Variants in ZDHHC14 observed in about 807,000 individuals in gnomAD.
ZDHHC14 encodes zDHHC palmitoyltransferase 14, also known as palmitoyltransferase ZDHHC14.
Under a neutral mutation model 47.7 loss-of-function variants are expected in ZDHHC14, and 16 were observed. The observed-to-expected ratio is 0.34, with a 90% confidence interval of 0.23 to 0.51. The LOEUF (loss-of-function observed/expected upper bound fraction) is 0.51, where lower values mean the gene tolerates loss of function less well. ZDHHC14 is among the 20% of genes least tolerant of loss of function. ZDHHC14 has a pLI of 0.97. For missense variants in ZDHHC14, 515 were observed against 662.5 expected (o/e 0.78, Z 2.44); for synonymous variants, 293 against 278.9 (o/e 1.05, Z -0.50).
At chr6:157,665,662 CA>C (rs796931694) in intron 8 of ZDHHC14, among the ~76,000 whole-genome samples, 4 of 152,098 alleles carry the variant, frequency 2.6e-5, no homozygotes, top group African/African-American at 9.6e-5. Context: ...TATTGCAGGT[CA>C]AAAAATTAGA....
chr6:157,628,465 G>T lies in ZDHHC14; in HGVS notation c.682G>T (p.Val228Phe). Residue 228 changes from valine (V) to phenylalanine (F), a missense_variant, in exon 4 of 9, where the codon GTT becomes TTT. Around this residue, in one of 4 missense-constraint regions of ZDHHC14, gnomAD observed 229 missense variants for 351.5 expected, o/e 0.65. Transcript: ENST00000359775. ...TCTGACAGTCTTTATATTTGCATTC[G>T]TTATCACCCACGTCATTCTTCGTAA... ...SFLTVFIFAFVITHVILRSQQ... is the reference protein window; with the variant it reads ...SFLTVFIFAFFITHVILRSQQ... 6.2e-7 allele frequency: 1 copy of T among 1,612,396 alleles called. No individual in the cohort carries two copies. Among genetic ancestry groups the T allele is most frequent in the African/African-American group, 1.3e-5 (1 of 74,788 alleles).
At chr6:157,558,293 C>A (rs1356044559) in intron 2 of ZDHHC14, among the ~76,000 whole-genome samples, 2 of 151,566 alleles carry the variant, frequency 1.3e-5, no homozygotes, top group African/African-American at 4.9e-5. Flanking sequence ...AGCCAGGTGA[C>A]ATTCATGTCC....
At chr6:157,620,172 A>G (rs908454050) in intron 3 of ZDHHC14, among the ~76,000 whole-genome samples, 10 of 152,170 alleles carry the variant, frequency 6.6e-5, no homozygotes, top group African/African-American at 9.7e-5. Flanking sequence ...GGAGGCTGGA[A>G]AGTCCAAGAT....
chr6:157,408,411 T>C (rs1363658095), intron 1 of ZDHHC14, among the ~76,000 whole-genome samples: 1 of 152,126 alleles, frequency 6.6e-6, no homozygotes, highest in Non-Finnish European at 1.5e-5. Flanking sequence ...CACCTAGGTA[T>C]TAAGGTCAGC....
intron 1 of ZDHHC14, among the ~76,000 whole-genome samples, chr6:157,488,427 C>T (rs1779833768): frequency 6.6e-6 from 1 of 152,134 alleles, no homozygotes; most frequent in African/African-American, 2.4e-5. Flanking sequence ...CCTCAATTTG[C>T]GTTGCTTCTA....
At chr6:157,576,779 C>T (rs1023357266) in intron 2 of ZDHHC14, among the ~76,000 whole-genome samples, 4 of 152,370 alleles carry the variant, frequency 2.6e-5, no homozygotes, top group Admixed American at 2.6e-4. Context: ...ACCACTCTGG[C>T]AGGCATTCTG....
intron 2 of ZDHHC14, among the ~76,000 whole-genome samples, chr6:157,561,558 G>T (rs181509564): frequency 2.6e-5 from 4 of 152,320 alleles, no homozygotes; most frequent in Admixed American, 2.6e-4. Context: ...GGACAAAAAT[G>T]ACAAAGCAGC....
intron 1 of ZDHHC14, among the ~76,000 whole-genome samples, chr6:157,460,057 C>CA (rs35995673): frequency 0.26 from 30,304 of 117,904 alleles, 3,937 homozygotes; most frequent in East Asian, 0.45. Flanking sequence ...ACTAAAAATA[C>CA]AAAAAAAAAA....
chr6:157,662,827 T>C (rs1046800708), intron 8 of ZDHHC14, among the ~76,000 whole-genome samples: 1 of 152,232 alleles, frequency 6.6e-6, no homozygotes, highest in Non-Finnish European at 1.5e-5. Context: ...ATAAAAAATT[T>C]TAAGACCTGG....
At chr6:157,414,469 C>T (rs1777934073) in intron 1 of ZDHHC14, among the ~76,000 whole-genome samples, 1 of 152,202 alleles carries the variant, frequency 6.6e-6, no homozygotes, top group Admixed American at 6.5e-5. Context: ...GAGCATTCTG[C>T]ATTGGCTCAT....
rs573394209 is a variant in ZDHHC14 at position 157,654,245 on chromosome 6, C to T, written c.1068+618C>T. Among the ~76,000 whole-genome samples the T allele has an allele frequency of 2.2e-4, 34 of 152,222 alleles. No homozygotes were observed. The South Asian group carries it at 6.0e-3, about 27-fold the overall frequency. ...AGGTTTCTAGCGTGCAGGTTTCCAG[C>T]GTGCAGGTGGAGATCTGGGGGAGGG... On this transcript the variant is annotated intron_variant, in intron 8 of 8. Coordinates refer to ENST00000359775, the MANE Select transcript of ZDHHC14 (RefSeq NM_024630.3).
At chr6:157,531,959 C>T (rs972865298) in intron 1 of ZDHHC14, among the ~76,000 whole-genome samples, 5 of 152,276 alleles carry the variant, frequency 3.3e-5, no homozygotes, top group African/African-American at 1.2e-4. Context: ...GTGGGGGTGC[C>T]AGCTCCCTGG....
chr6:157,578,910 G>A (rs773166732), intron 2 of ZDHHC14, among the ~76,000 whole-genome samples: 1 of 152,122 alleles, frequency 6.6e-6, no homozygotes, highest in African/African-American at 2.4e-5. Flanking sequence ...CTAGCAGTGT[G>A]AGAATGGACT....
chr6:157,601,975 G>A (rs36008932), intron 3 of ZDHHC14, among the ~76,000 whole-genome samples: 38,545 of 151,924 alleles, frequency 0.25, 5,152 homozygotes, highest in Admixed American at 0.37. Flanking sequence ...AGGCCGAGGC[G>A]GGCAGATCAC....
At chr6:157,617,997 C>T (rs964602583) in intron 3 of ZDHHC14, among the ~76,000 whole-genome samples, 7 of 152,168 alleles carry the variant, frequency 4.6e-5, no homozygotes, top group Admixed American at 1.3e-4. Context: ...TTTCAAGACC[C>T]GTAATTTCTA....
At chr6:157,617,819 A>G (rs1358530403) in intron 3 of ZDHHC14, among the ~76,000 whole-genome samples, 1 of 152,222 alleles carries the variant, frequency 6.6e-6, no homozygotes, top group East Asian at 1.9e-4. Flanking sequence ...AGACACTGGC[A>G]ATTCCATTTC....
In ZDHHC14 at chr6:157,416,670, TA is replaced by T. The variant is rs570772103; in HGVS notation, c.245+34430del. On this transcript the variant is annotated intron_variant, in intron 1 of 8. Coordinates refer to ENST00000359775, the MANE Select transcript of ZDHHC14 (RefSeq NM_024630.3). Reference sequence around the variant, plus strand: ...GTGACAGAGTGAGACCCTGTCTCATTAAAAAAAAAAAAAAAAAAAAAAAAAA... The same window carrying T: ...GTGACAGAGTGAGACCCTGTCTCATTAAAAAAAAAAAAAAAAAAAAAAAAA... 2.6e-3 allele frequency among the ~76,000 whole-genome samples: 195 copies of T among 75,328 alleles called. 2 individuals are homozygous for T. Among genetic ancestry groups the T allele is most frequent in the African/African-American group, 8.1e-3 (163 of 20,086 alleles). The allele number at this position is 75,328 out of a possible 152,430, so 49.4% of individuals were successfully genotyped here. A position where few individuals can be genotyped will look rare whatever the true frequency, so the allele number is the denominator to read the frequency against.
At chr6:157,569,370 A>C (rs1372896877) in intron 2 of ZDHHC14, among the ~76,000 whole-genome samples, 1 of 152,040 alleles carries the variant, frequency 6.6e-6, no homozygotes, top group African/African-American at 2.4e-5. Context: ...ATTTGTAATA[A>C]ATAAAATAAT....
chr6:157,494,413 G>A (rs1021571440), intron 1 of ZDHHC14, among the ~76,000 whole-genome samples: 1 of 152,196 alleles, frequency 6.6e-6, no homozygotes, highest in African/African-American at 2.4e-5. Flanking sequence ...CCAAATGGCG[G>A]GATAGTAATG....
Sources: allele counts gnomAD v4.1 joint callset (sites outside exome capture counted in the v4.1 genomes callset), GRCh38; gene constraint gnomAD v4.1.1; regional missense constraint gnomAD v4.1.1; transcripts MANE v1.5; gene names NCBI Gene and HGNC (gene_info 2026-07-23, HGNC 2026-07-21).